TTC28: variants seen among roughly 807,000 people sequenced by gnomAD.
The protein encoded by TTC28 is tetratricopeptide repeat domain 28, also known as tetratricopeptide repeat protein 28.
Under a neutral mutation model 198.0 loss-of-function variants are expected in TTC28, and 61 were observed. That is an observed-to-expected ratio of 0.31 (90% CI 0.25 to 0.38). TTC28 has a LOEUF of 0.38. Among genes scored for constraint, TTC28 ranks in the 10% least tolerant of loss-of-function variants. The probability of loss-of-function intolerance (pLI) is 1.00; values close to 1 mark genes in which losing one functional copy is unlikely to be tolerated. For synonymous variants in TTC28, 1,171 were observed against 1,297.8 expected, an observed-to-expected ratio of 0.90 and a Z score of 2.10; for missense variants, 2,678 against 3,164.0, an observed-to-expected ratio of 0.85 and a Z score of 3.69.
At chr22:28,400,647 G>A (rs2046892504) in intron 2 of TTC28, among the ~76,000 whole-genome samples, 1 of 152,110 alleles carries the variant, frequency 6.6e-6, no homozygotes, top group African/African-American at 2.4e-5. Context: ...AAGTTTGTAA[G>A]GAGCCTTTTC....
chr22:28,337,090 G>C (rs956384043), intron 2 of TTC28, among the ~76,000 whole-genome samples: 1 of 152,020 alleles, frequency 6.6e-6, no homozygotes, highest in Non-Finnish European at 1.5e-5. Context: ...CCTTCATTTC[G>C]TTATGTACCC....
intron 2 of TTC28, among the ~76,000 whole-genome samples, chr22:28,589,859 G>A (rs2050392039): frequency 6.6e-6 from 1 of 151,514 alleles, no homozygotes; most frequent in African/African-American, 2.4e-5. Flanking sequence ...CCAAGATGGT[G>A]AAACCCCGTC....
chr22:27,985,242 C>T lies in TTC28; in HGVS notation c.5815+7G>A. 1.9e-6 allele frequency: 3 copies of T among 1,549,486 alleles called. No homozygotes were observed. In the South Asian group the frequency reaches 3.6e-5, roughly 18 times the overall value. On this transcript the variant is annotated splice_region_variant and intron_variant, in intron 22 of 22. Coordinates refer to ENST00000397906, the MANE Select transcript of TTC28 (RefSeq NM_001145418.2). ...GGTGGAGAACTGGTCTGAGGGCAGG[C>T]TCTTACCAAACAGAGACAGCAGGGA... is the stretch of plus-strand genomic sequence containing the variant.
intron 2 of TTC28, among the ~76,000 whole-genome samples, chr22:28,506,002 C>A (rs1351273888): frequency 6.6e-6 from 1 of 152,264 alleles, no homozygotes; most frequent in Non-Finnish European, 1.5e-5. Context: ...GGGTCCCCCA[C>A]AGTGCAGCCC....
At chr22:28,101,622 G>C (rs1942155622) in intron 8 of TTC28, among the ~76,000 whole-genome samples, 1 of 151,614 alleles carries the variant, frequency 6.6e-6, no homozygotes, top group Non-Finnish European at 1.5e-5. Flanking sequence ...ACCCACCCCG[G>C]TCTCCTAAAG....
intron 1 of TTC28, among the ~76,000 whole-genome samples, chr22:28,631,722 C>T (rs1206885824): frequency 6.6e-6 from 1 of 152,050 alleles, no homozygotes; most frequent in Non-Finnish European, 1.5e-5. Context: ...GACGAAGTCT[C>T]CTCATGTTGC....
intron 2 of TTC28, among the ~76,000 whole-genome samples, chr22:28,313,805 A>C (rs959442523): frequency 2.6e-5 from 4 of 152,218 alleles, no homozygotes; most frequent in Non-Finnish European, 5.9e-5. Flanking sequence ...CTGGCACAAG[A>C]CAAGGATGCC....
chr22:28,023,783 G>A (rs552963829), intron 13 of TTC28, among the ~76,000 whole-genome samples: 5 of 152,290 alleles, frequency 3.3e-5, no homozygotes, highest in African/African-American at 9.6e-5. Context: ...CCGGAGCACT[G>A]TCTTTGGAGT....
Position 27,993,497 on chromosome 22 carries a change from T to G in TTC28, c.5266A>C (p.Ile1756Leu), listed in dbSNP as rs1442936348. 1 of 1,547,128 alleles carries G rather than the reference T, an allele frequency of 6.5e-7. No individual in the cohort carries two copies. Among genetic ancestry groups the G allele is most frequent in the Non-Finnish European group, 8.7e-7 (1 of 1,143,724 alleles). ...LHLVEKSLQR[I>L]QNGQRNAMYT... Reference sequence around the variant, plus strand: ...ATGGCATTGCGCTGCCCATTCTGGATGCGCTGCAGGGATTTCTCCACCTGA... The same window carrying G: ...ATGGCATTGCGCTGCCCATTCTGGAGGCGCTGCAGGGATTTCTCCACCTGA... The change falls in exon 18 of 23, where the codon ATC becomes CTC. Residue 1756 changes from isoleucine (I) to leucine (L), a missense_variant. This residue lies in a region of TTC28 where 314 missense variants were observed against 442.7 expected (regional missense o/e 0.71). Coordinates refer to ENST00000397906, the MANE Select transcript of TTC28 (RefSeq NM_001145418.2).
intron 2 of TTC28, among the ~76,000 whole-genome samples, chr22:28,584,090 C>T (rs917141382): frequency 5.3e-5 from 8 of 151,396 alleles, no homozygotes; most frequent in African/African-American, 1.9e-4. Context: ...AGCGATCCTC[C>T]TACCTCAGCC....
intron 2 of TTC28, among the ~76,000 whole-genome samples, chr22:28,525,954 CA>C (rs1254538456): frequency 2.0e-5 from 3 of 152,104 alleles, no homozygotes; most frequent in African/African-American, 7.2e-5. Flanking sequence ...GAATTCATCA[CA>C]AAAATGAGAT....
chr22:28,091,254 T>C (rs1941805126), intron 12 of TTC28, among the ~76,000 whole-genome samples: 1 of 152,256 alleles, frequency 6.6e-6, no homozygotes, highest in Non-Finnish European at 1.5e-5. Context: ...AGTTCAACCA[T>C]GACATCCAAT....
chr22:28,426,330 A>T (rs1488537591), intron 2 of TTC28, among the ~76,000 whole-genome samples: 7 of 152,100 alleles, frequency 4.6e-5, no homozygotes, highest in Non-Finnish European at 1.0e-4. Context: ...TCCTTTGGTT[A>T]TCTTCAGTAC....
chr22:28,285,378 A>G (rs1166654999), intron 5 of TTC28, among the ~76,000 whole-genome samples: 1 of 152,200 alleles, frequency 6.6e-6, no homozygotes, highest in Non-Finnish European at 1.5e-5. Context: ...CGAAGCAGAG[A>G]GAGTAGAACA....
At chr22:28,464,412 G>A (rs143817783) in intron 2 of TTC28, among the ~76,000 whole-genome samples, 1,564 of 152,292 alleles carry the variant, frequency 0.01, 15 homozygotes, top group Admixed American at 0.018. Flanking sequence ...ATTAAGTCAT[G>A]TATTTATATC....
chr22:28,386,571 C>T (rs1178167908), intron 2 of TTC28, among the ~76,000 whole-genome samples: 3 of 152,006 alleles, frequency 2.0e-5, no homozygotes, highest in Non-Finnish European at 2.9e-5. Context: ...AATATTTGTC[C>T]TTGAATGGGT....
At chr22:28,539,583 C>A (rs2049367100) in intron 2 of TTC28, among the ~76,000 whole-genome samples, 1 of 151,754 alleles carries the variant, frequency 6.6e-6, no homozygotes, top group South Asian at 2.1e-4. Context: ...CTGCAGTGAA[C>A]CGTGATTGAG....
intron 2 of TTC28, among the ~76,000 whole-genome samples, chr22:28,391,189 T>C (rs2046713081): frequency 6.6e-6 from 1 of 152,234 alleles, no homozygotes; most frequent in African/African-American, 2.4e-5. Context: ...TTCTGGCTTG[T>C]AGAGTTTCTG....
intron 12 of TTC28, among the ~76,000 whole-genome samples, chr22:28,057,151 A>C (rs2146723092): frequency 6.6e-6 from 1 of 152,294 alleles, no homozygotes; most frequent in Non-Finnish European, 1.5e-5. Context: ...TCTTGGGTAA[A>C]TACCTCAGAG....
Sources: allele counts gnomAD v4.1 joint callset (sites outside exome capture counted in the v4.1 genomes callset), GRCh38; gene constraint gnomAD v4.1.1; regional missense constraint gnomAD v4.1.1; transcripts MANE v1.5; gene names NCBI Gene and HGNC (gene_info 2026-07-23, HGNC 2026-07-21).